DOT1L: variants seen among roughly 807,000 people sequenced by gnomAD.
DOT1L encodes the protein histone-lysine N-methyltransferase, H3 lysine-79 specific.
Under a neutral mutation model 153.3 loss-of-function variants are expected in DOT1L, and 33 were observed. That is an observed-to-expected ratio of 0.22 (90% CI 0.16 to 0.29). The LOEUF (loss-of-function observed/expected upper bound fraction) is 0.29. Ranked by LOEUF, DOT1L falls within the 10% of genes least tolerant of loss-of-function variation. The pLI is 1.00. For missense variants in DOT1L, 1,847 were observed against 2,119.9 expected (o/e 0.87, Z 2.53); for synonymous variants, 1,135 against 965.1 (o/e 1.18, Z -3.26).
rs1024814447 is a variant in DOT1L, at chr19:2,208,374, G to T, written c.964-561G>T. Among the ~76,000 whole-genome samples, 5 of 152,104 alleles carry T rather than the reference G, an allele frequency of 3.3e-5. No homozygotes were observed. The highest frequency in any genetic ancestry group is 1.2e-4 in the African/African-American group (5 of 41,396). The stretch of plus-strand genomic sequence containing the variant: ...GCACCCTCACTGTCCAGTGCTCGGA[G>T]CCTCCACTAGAGCCTGCCTGGGGAG... On this transcript the variant is annotated intron_variant, in intron 11 of 27. Transcript: ENST00000398665. The surrounding 1 kb of genome is among the most constrained non-coding windows in gnomAD (Gnocchi z 4.4).
In DOT1L at chr19:2,226,728, A is replaced by T. The variant is rs1289503531; in HGVS notation, c.4207A>T (p.Thr1403Ser). The change falls in exon 27 of 28, where the codon ACC becomes TCC. Residue 1403 changes from threonine (T) to serine (S), a missense_variant. Physicochemically the swap from Thr to Ser is moderately conservative, Grantham distance 58. This residue lies in a region of DOT1L where 934 missense variants were observed against 825.3 expected (regional missense o/e 1.13). Coordinates refer to ENST00000398665, the MANE Select transcript of DOT1L (RefSeq NM_032482.3). ...ACCGCTGTGCGGGCCCACGGACAAG[A>T]CCCCACTGCTGAGCGGCAAGGCCGC... ...GLPLCGPTDK[T>S]PLLSGKAAKA... The T allele has an allele frequency of 6.4e-6, 10 of 1,556,642 alleles. No individual in the cohort carries two copies. The highest frequency in any genetic ancestry group is 1.7e-4 in the Middle Eastern group (1 of 5,862).
chr19:2,200,031 C>A, intron 8 of DOT1L, 92 bp downstream of exon 8: 1 of 1,499,180 alleles, frequency 6.7e-7, no homozygotes, highest in Non-Finnish European at 9.1e-7. Flanking sequence ...CGGCCCCTCG[C>A]TCCTGTGCTG....
chr19:2,207,697 G>A lies in DOT1L; in HGVS notation c.963+17G>A, dbSNP rs762198671. 11 of 1,600,574 alleles carry A rather than the reference G, an allele frequency of 6.9e-6. No individual in the cohort carries two copies. The highest frequency in any genetic ancestry group is 4.0e-5 in the African/African-American group (3 of 74,666). On this transcript the variant is annotated intron_variant, in intron 11 of 27. Coordinates refer to ENST00000398665, the MANE Select transcript of DOT1L (RefSeq NM_032482.3). This position sits in a 1 kb window ranked among gnomAD's most constrained non-coding sequence, Gnocchi z 4.5. ...CGCACCATAGTGAGTATCTCGCTGC[G>A]CCTCAGCCGCAGGGCCGTCCTGGTC...
chr19:2,164,348 G>A (rs2019825560), intron 1 of DOT1L, 83 bp downstream of exon 1: 7 of 972,988 alleles, frequency 7.2e-6, no homozygotes, highest in Non-Finnish European at 9.2e-6. Flanking sequence ...CCCCCAAGCC[G>A]CGCTCACCGG....
chr19:2,184,728 G>C lies in DOT1L; in HGVS notation c.126-1127G>C, dbSNP rs118000950. 5.6e-3 allele frequency among the ~76,000 whole-genome samples: 849 copies of C among 152,288 alleles called. 5 individuals are homozygous for C. The highest frequency in any genetic ancestry group is 0.024 in the Middle Eastern group (7 of 294). ...CTGATGGCACCGAATGCCGTCCTGT[G>C]GGCTTTCCGTACTCGCCCACACGGG... is the stretch of plus-strand genomic sequence containing the variant. On this transcript the variant is annotated intron_variant, in intron 2 of 27. Coordinates refer to ENST00000398665, the MANE Select transcript of DOT1L (RefSeq NM_032482.3).
rs2024620457 is a variant in DOT1L at position 2,232,012 on chromosome 19, C to G, written c.*2220C>G. The G allele has an allele frequency of 4.8e-6, 1 of 207,978 alleles. No homozygotes were observed. The highest frequency in any genetic ancestry group is 9.8e-6 in the Non-Finnish European group (1 of 102,028). The allele number at this position is 207,978 out of a possible 1,614,324, so 12.9% of individuals were successfully genotyped here. A position where few individuals can be genotyped will look rare whatever the true frequency, so the allele number is the denominator to read the frequency against. Reference sequence around the variant, plus strand: ...CACCCTCCTGTTCTGAGCCCTGGGCCTGTGTTCTTCTCAGACACTCCCAGA... The same window carrying G: ...CACCCTCCTGTTCTGAGCCCTGGGCGTGTGTTCTTCTCAGACACTCCCAGA... On this transcript the variant is annotated 3_prime_UTR_variant, in exon 28 of 28. Transcript: ENST00000398665.
At chr19:2,194,624 CG>C in intron 7 of DOT1L, 47 bp downstream of exon 7, 1 of 1,580,930 alleles carries the variant, frequency 6.3e-7, no homozygotes, top group Non-Finnish European at 8.6e-7. Context: ...GCCCCACCCC[CG>C]CTCCCACCCT....
At chr19:2,168,041 G>T (rs1034106924) in intron 1 of DOT1L, among the ~76,000 whole-genome samples, 2 of 152,168 alleles carry the variant, frequency 1.3e-5, no homozygotes, top group Admixed American at 6.6e-5. Context: ...AGACGCAGCT[G>T]CAGCAGCACA....
rs1184445692 is a variant in DOT1L, at chr19:2,208,083, G to C, written c.963+403G>C. Among the ~76,000 whole-genome samples the C allele has an allele frequency of 1.3e-5, 2 of 152,248 alleles. No homozygotes were observed. Among genetic ancestry groups the C allele is most frequent in the East Asian group, 3.9e-4 (2 of 5,180 alleles). On this transcript the variant is annotated intron_variant, in intron 11 of 27. Coordinates refer to ENST00000398665, the MANE Select transcript of DOT1L (RefSeq NM_032482.3). This position sits in a 1 kb window ranked among gnomAD's most constrained non-coding sequence, Gnocchi z 4.4. ...AGGGTCCTGAGCGGGGAGACACCAG[G>C]GTCCATGGGTGGGGTCTGGGATGCT... is the stretch of plus-strand genomic sequence containing the variant.
In DOT1L at chr19:2,223,505, AG is replaced by A. The variant is rs750534769; in HGVS notation, c.3596+25del. The A allele has an allele frequency of 4.1e-6, 5 of 1,207,382 alleles. No individual in the cohort carries two copies. The highest frequency in any genetic ancestry group is 2.1e-5 in the African/African-American group (1 of 46,516). 74.8% of individuals were successfully genotyped at this position (1,207,382 alleles called of 1,614,324 possible). A position where few individuals can be genotyped will look rare whatever the true frequency, so the allele number is the denominator to read the frequency against. On this transcript the variant is annotated intron_variant, in intron 25 of 27. Coordinates refer to ENST00000398665, the MANE Select transcript of DOT1L (RefSeq NM_032482.3). ...GTGCTCGGCGAGTCCAGGGGCCCGG[AG>A]GGGGGCGGGGCCTGGCAGCAGGGGC...
chr19:2,203,222 C>T (rs1339778990), intron 9 of DOT1L, among the ~76,000 whole-genome samples: 1 of 152,252 alleles, frequency 6.6e-6, no homozygotes, highest in Non-Finnish European at 1.5e-5. Flanking sequence ...GCCTCAGCCT[C>T]CCAAGTAGCT....
At position 2,230,319 on chromosome 19, in the gene DOT1L, G is replaced by A. The variant is rs1483742449; in HGVS notation, c.*527G>A. ...GCCCGTCGCCACCACATTCCTCGGA[G>A]GCCTCCCCGCGGCCTGAGCCCCTTC... On this transcript the variant is annotated 3_prime_UTR_variant, in exon 28 of 28. Coordinates refer to ENST00000398665, the MANE Select transcript of DOT1L (RefSeq NM_032482.3). 7 of 416,100 alleles carry A rather than the reference G, an allele frequency of 1.7e-5. 1 individual carries two copies. The highest frequency in any genetic ancestry group is 9.6e-5 in the South Asian group (1 of 10,428). The allele number at this position is 416,100 out of a possible 1,614,324, so 25.8% of individuals were successfully genotyped here. A position where few individuals can be genotyped will look rare whatever the true frequency, so the allele number is the denominator to read the frequency against.
chr19:2,186,842 C>A (rs1217451075), intron 3 of DOT1L, among the ~76,000 whole-genome samples: 3 of 152,368 alleles, frequency 2.0e-5, no homozygotes, highest in East Asian at 1.9e-4. Context: ...TCGCCACCCC[C>A]CCTCATTGGG....
rs768763745 is a variant in DOT1L at position 2,208,887 on chromosome 19, C to T, written c.964-48C>T. ...ACCTGGGTGTCCAGACAAATCCGAA[C>T]AGAGATTGGGACTCCCTTCTAATCA... On this transcript the variant is annotated intron_variant, in intron 11 of 27. Coordinates refer to ENST00000398665, the MANE Select transcript of DOT1L (RefSeq NM_032482.3). The surrounding 1 kb of genome is among the most constrained non-coding windows in gnomAD (Gnocchi z 4.4). The T allele has an allele frequency of 1.3e-6, 2 of 1,594,038 alleles. No homozygotes were observed. The highest frequency in any genetic ancestry group is 1.7e-6 in the Non-Finnish European group (2 of 1,167,740).
Position 2,193,469 on chromosome 19 carries a change from A to G in DOT1L, c.494-220A>G, listed in dbSNP as rs2144751840. On this transcript the variant is annotated intron_variant, in intron 5 of 27. Transcript: ENST00000398665. The surrounding 1 kb of genome is among the most constrained non-coding windows in gnomAD (Gnocchi z 5.9). ...GGCCACCAAGTGATGTCCATGGATG[A>G]CGCGTTGTGATGACCGTCCCCTCGT... is the stretch of plus-strand genomic sequence containing the variant. Among the ~76,000 whole-genome samples, 1 of 152,282 alleles carries G rather than the reference A, an allele frequency of 6.6e-6. No individual in the cohort carries two copies.
intron 3 of DOT1L, among the ~76,000 whole-genome samples, chr19:2,186,570 C>T (rs1599553581): frequency 6.6e-6 from 1 of 152,240 alleles, no homozygotes; most frequent in Admixed American, 6.5e-5. Context: ...CCCCTCTCCA[C>T]AGAGAGTCAA....
chr19:2,224,239 G>T (rs1157469787), intron 25 of DOT1L, among the ~76,000 whole-genome samples: 1 of 152,188 alleles, frequency 6.6e-6, no homozygotes, highest in Non-Finnish European at 1.5e-5. Flanking sequence ...GGGTGTGCGT[G>T]TTTGTGTTTG....
intron 7 of DOT1L, among the ~76,000 whole-genome samples, chr19:2,199,356 G>A (rs1003226653): frequency 1.3e-5 from 2 of 152,242 alleles, no homozygotes; most frequent in Non-Finnish European, 2.9e-5. Context: ...GGTTGGTGAG[G>A]GAGGGACAGA....
intron 1 of DOT1L, among the ~76,000 whole-genome samples, chr19:2,165,735 C>T (rs954037774): frequency 2.0e-5 from 3 of 152,112 alleles, no homozygotes; most frequent in Non-Finnish European, 4.4e-5. Context: ...AGGTGGCTTA[C>T]CACCGTCCGA....
Sources: gnomAD v4.1 joint callset for allele counts (sites outside exome capture counted in the v4.1 genomes callset) on GRCh38, gnomAD v4.1.1 for gene constraint, gnomAD v4.1.1 regional missense constraint, Gnocchi (gnomAD v3.1) non-coding constraint, MANE v1.5 for transcripts, NCBI Gene and HGNC (gene_info 2026-07-23, HGNC 2026-07-21) for gene names.